MCUB: variants seen among roughly 807,000 people sequenced by gnomAD.
MCUB encodes calcium uniporter regulatory subunit MCUb, mitochondrial.
A neutral mutation model predicts 41.4 loss-of-function variants in MCUB; 46 were observed. That is an observed-to-expected ratio of 1.11 (90% confidence interval 0.88 to 1.42). MCUB has a LOEUF of 1.42. Among genes scored for constraint, MCUB ranks in the 40% most tolerant of loss-of-function variants. The pLI is 0.00. For missense variants in MCUB, 403 were observed against 404.9 expected (o/e 1.00, Z 0.04); for synonymous variants, 148 against 148.2 (o/e 1.00, Z 0.01).
chr4:109,637,789 G>A (rs967733388), intron 1 of MCUB, among the ~76,000 whole-genome samples: 3 of 152,018 alleles, frequency 2.0e-5, no homozygotes, highest in Non-Finnish European at 4.4e-5. Flanking sequence ...CTACACACTG[G>A]GTACAGTGCT....
At chr4:109,632,763 C>CA (rs974534372) in intron 1 of MCUB, among the ~76,000 whole-genome samples, 2 of 152,016 alleles carry the variant, frequency 1.3e-5, no homozygotes, top group African/African-American at 4.8e-5. Context: ...TATAGATGCA[C>CA]ACCACCATGC....
At position 109,560,277 on chromosome 4, in the gene MCUB, G is replaced by A. The variant is rs1048925685; in HGVS notation, c.-61G>A. The A allele has an allele frequency of 8.1e-6, 7 of 864,986 alleles. No individual in the cohort carries two copies. In the Admixed American group the frequency reaches 1.3e-4, roughly 16 times the overall value. The allele number at this position is 864,986 out of a possible 1,614,324, so 53.6% of individuals were successfully genotyped here. A position where few individuals can be genotyped will look rare whatever the true frequency, so the allele number is the denominator to read the frequency against. On this transcript the variant is annotated 5_prime_UTR_variant, in exon 1 of 8. Coordinates refer to ENST00000394650, the MANE Select transcript of MCUB (RefSeq NM_017918.5). ...CGGAGCCACCAGGCGCTGACGAGGAGCCCGGCTGAGGGAGGATGCGCCGCT... is the reference window on the plus strand; with the variant it reads ...CGGAGCCACCAGGCGCTGACGAGGAACCCGGCTGAGGGAGGATGCGCCGCT...
chr4:109,643,404 C>G (rs1186215603), intron 1 of MCUB, among the ~76,000 whole-genome samples: 1 of 151,890 alleles, frequency 6.6e-6, no homozygotes, highest in African/African-American at 2.4e-5. Context: ...AGGCTGGTCT[C>G]CAACTCCTGA....
At chr4:109,670,137 C>T (rs1476309811) in intron 4 of MCUB, among the ~76,000 whole-genome samples, 1 of 152,064 alleles carries the variant, frequency 6.6e-6, no homozygotes. Context: ...GTAAATAAGC[C>T]TTTTATAATA....
At chr4:109,681,292 C>T (rs1461075429) in intron 4 of MCUB, 6 of 276,816 alleles carry the variant, frequency 2.2e-5, no homozygotes, top group African/African-American at 1.1e-4. Flanking sequence ...TCTCTGGGGT[C>T]AGCAAATTGT....
rs568682943 is a variant in MCUB at position 109,659,888 on chromosome 4, G to A, written c.176-307G>A. On this transcript the variant is annotated intron_variant, in intron 2 of 7. Transcript: ENST00000394650. ...GCCCAGAGAGCTCTCAAACTTCTGCGCTCAGGCAGTCCACCAATCTGAGCC... is the reference window on the plus strand; with the variant it reads ...GCCCAGAGAGCTCTCAAACTTCTGCACTCAGGCAGTCCACCAATCTGAGCC... 8.5e-5 allele frequency among the ~76,000 whole-genome samples: 13 copies of A among 152,228 alleles called. No homozygotes were observed. The South Asian group carries it at 2.7e-3, about 32-fold the overall frequency.
chr4:109,636,923 A>G, intron 1 of MCUB, among the ~76,000 whole-genome samples: 1 of 152,376 alleles, frequency 6.6e-6, no homozygotes, highest in Non-Finnish European at 1.5e-5. Flanking sequence ...AAGCTTTCAT[A>G]TGATCTAGAG....
rs4698775 is a variant in MCUB, at chr4:109,669,323, G to A, written c.451+4929G>A. On this transcript the variant is annotated intron_variant, in intron 4 of 7. Transcript: ENST00000394650. ...TTTTAGGCTGCTTTGTTTTTTTCTC[G>A]GAATGCTAAATATTTTATCCCACTT... Among the ~76,000 whole-genome samples, 9 of 152,140 alleles carry A rather than the reference G, an allele frequency of 5.9e-5. No homozygotes were observed. In the East Asian group the frequency reaches 1.3e-3, roughly 23 times the overall value.
At chr4:109,603,366 G>A (rs1384167356) in intron 1 of MCUB, among the ~76,000 whole-genome samples, 3 of 152,186 alleles carry the variant, frequency 2.0e-5, no homozygotes, top group Admixed American at 6.5e-5. Context: ...CGAGGTGCCC[G>A]GATTGCAGAC....
chr4:109,577,601 T>TAAGACCTATGAGATTAAA (rs1561214372), intron 1 of MCUB, among the ~76,000 whole-genome samples: 1 of 46,716 alleles, frequency 2.1e-5, no homozygotes, highest in Non-Finnish European at 4.6e-5. Flanking sequence ...TTGAATTCTT[T>TAAGACCTATGAGATTAAA]TTTTTTTTTT....
rs185918489 is a variant in MCUB at position 109,603,583 on chromosome 4, T to C, written c.99+43147T>C. 3.6e-3 allele frequency among the ~76,000 whole-genome samples: 538 copies of C among 151,186 alleles called. 7 individuals are homozygous for C. The highest frequency in any genetic ancestry group is 0.014 in the East Asian group (69 of 5,084). ...TCGTCTGGGAGGTGAGGAGCGTCTC[T>C]ACCTGGCCGCCACCCTGTCTGGGAG... On this transcript the variant is annotated intron_variant, in intron 1 of 7. Transcript: ENST00000394650.
chr4:109,644,770 C>A (rs965768374), intron 1 of MCUB, among the ~76,000 whole-genome samples: 2 of 152,150 alleles, frequency 1.3e-5, no homozygotes, highest in African/African-American at 4.8e-5. Context: ...TTCCAAACAC[C>A]TTTACACATA....
chr4:109,603,295 C>T (rs1485054442), intron 1 of MCUB, among the ~76,000 whole-genome samples: 1 of 152,206 alleles, frequency 6.6e-6, no homozygotes, highest in Non-Finnish European at 1.5e-5. Context: ...TGGGGTTTCG[C>T]TGTGTTGGCC....
chr4:109,615,565 G>C (rs1411236226), intron 1 of MCUB, among the ~76,000 whole-genome samples: 1 of 151,680 alleles, frequency 6.6e-6, no homozygotes, highest in Admixed American at 6.6e-5. Flanking sequence ...CACCACCTAC[G>C]CCCGGCTAAT....
chr4:109,656,379 TTTTTTTTTTTTTTG>T (rs1346575698), intron 1 of MCUB, among the ~76,000 whole-genome samples: 12,438 of 84,462 alleles, frequency 0.15, 1,221 homozygotes, highest in African/African-American at 0.22. Flanking sequence ...TTTTTTTTTT[TTTTTTTTTTTTTTG>T]GAGACAGGGT....
chr4:109,581,955 G>A (rs1367749024), intron 1 of MCUB, among the ~76,000 whole-genome samples: 4 of 152,180 alleles, frequency 2.6e-5, no homozygotes, highest in African/African-American at 4.8e-5. Context: ...TTCAACCATC[G>A]TGGAAGTCAG....
chr4:109,673,796 C>T lies in MCUB; in HGVS notation c.452-8786C>T, dbSNP rs927504320. ...AAGGAAAAGATCAGAAGCCGGTTGG[C>T]GGGTGAGAGGTTTTTTCGCTCTAGG... On this transcript the variant is annotated intron_variant, in intron 4 of 7. Transcript: ENST00000394650. The T allele has an allele frequency of 2.1e-4, 133 of 639,636 alleles. 2 individuals are homozygous for T. Among genetic ancestry groups the T allele is most frequent in the South Asian group, 2.0e-3 (100 of 49,524 alleles). 39.6% of individuals were successfully genotyped at this position (639,636 alleles called of 1,614,324 possible). A position where few individuals can be genotyped will look rare whatever the true frequency, so the allele number is the denominator to read the frequency against.
At chr4:109,656,460 GCCT>G (rs1483076549) in intron 1 of MCUB, among the ~76,000 whole-genome samples, 5 of 135,772 alleles carry the variant, frequency 3.7e-5, no homozygotes, top group African/African-American at 8.0e-5. Context: ...CACTGCAGCC[GCCT>G]CCTCCTGGGC....
At position 109,669,121 on chromosome 4, in the gene MCUB, TTCTC is replaced by T. The variant is rs539062106; in HGVS notation, c.451+4729_451+4732del. Among the ~76,000 whole-genome samples the T allele has an allele frequency of 4.0e-4, 61 of 152,286 alleles. 1 individual carries two copies. The South Asian group carries it at 0.012, about 30-fold the overall frequency. ...TTTACCTCCACTATTCCTTCTCTGATTCTCTTTCTTTCTGTAGAGCTAAATTTCC... is the reference window on the plus strand; with the variant it reads ...TTTACCTCCACTATTCCTTCTCTGATTTTCTTTCTGTAGAGCTAAATTTCC... On this transcript the variant is annotated intron_variant, in intron 4 of 7. Transcript: ENST00000394650.
Sources: allele counts gnomAD v4.1 joint callset (sites outside exome capture counted in the v4.1 genomes callset), GRCh38; gene constraint gnomAD v4.1.1; transcripts MANE v1.5; gene names NCBI Gene and HGNC (gene_info 2026-07-23, HGNC 2026-07-21).